The following PTPRB variants were observed in gnomAD, a reference collection of about 807,000 sequenced individuals.
PTPRB encodes receptor-type tyrosine-protein phosphatase beta.
In PTPRB, 97 loss-of-function variants were observed where a neutral mutation model predicts 238.1. The ratio of observed to expected loss-of-function variants is 0.41; its 90% CI spans 0.35 to 0.48. The LOEUF is 0.48. Ranked by LOEUF, PTPRB falls within the 20% of genes least tolerant of loss-of-function variation. PTPRB has a pLI of 0.30. For synonymous variants in PTPRB, 970 were observed against 995.4 expected, an observed-to-expected ratio of 0.97 and a Z score of 0.48; for missense variants, 2,292 against 2,681.9, an observed-to-expected ratio of 0.85 and a Z score of 3.21.
intron 10 of PTPRB, 89 bp downstream of exon 10, chr12:70,580,947 G>A: frequency 7.0e-7 from 1 of 1,420,366 alleles, no homozygotes; most frequent in Non-Finnish European, 9.5e-7. Flanking sequence ...GGATGAGTCT[G>A]ATTTTAGGAT....
chr12:70,593,253 C>T (rs563507473), intron 6 of PTPRB, among the ~76,000 whole-genome samples: 5 of 152,226 alleles, frequency 3.3e-5, no homozygotes, highest in African/African-American at 1.2e-4. Flanking sequence ...TGGCTCATGC[C>T]TGTAATCCCA....
chr12:70,587,495 T>G (rs1882037347), intron 8 of PTPRB, among the ~76,000 whole-genome samples: 1 of 152,218 alleles, frequency 6.6e-6, no homozygotes, highest in Non-Finnish European at 1.5e-5. Flanking sequence ...AGTCATTGAT[T>G]TTTGACTGTA....
At chr12:70,624,280 T>C (rs1444932135) in intron 2 of PTPRB, among the ~76,000 whole-genome samples, 1 of 152,220 alleles carries the variant, frequency 6.6e-6, no homozygotes, top group Non-Finnish European at 1.5e-5. Flanking sequence ...ATTTATCTGA[T>C]ATTCAAATGT....
intron 19 of PTPRB, 144 bp from the exon 20 acceptor site, chr12:70,555,453 C>G (rs1877514282): frequency 1.3e-6 from 1 of 796,178 alleles, no homozygotes; most frequent in East Asian, 2.8e-5. Context: ...ATGCTGTAAT[C>G]AAGAAACTCT....
chr12:70,533,422 C>CAGTT (rs1253234903), intron 31 of PTPRB, among the ~76,000 whole-genome samples: 1 of 152,138 alleles, frequency 6.6e-6, no homozygotes, highest in Non-Finnish European at 1.5e-5. Flanking sequence ...TAGTGCCATT[C>CAGTT]AGTTAGGGCT....
At chr12:70,616,729 A>G (rs1395978145) in intron 3 of PTPRB, among the ~76,000 whole-genome samples, 1 of 152,102 alleles carries the variant, frequency 6.6e-6, no homozygotes, top group Non-Finnish European at 1.5e-5. Flanking sequence ...TCCCCACTGT[A>G]TCAACTTTCA....
chr12:70,587,829 G>A lies in PTPRB; in HGVS notation c.2051-562C>T, dbSNP rs144200780. ...TAAGAATAAACTGTTGGTTGGGTGC[G>A]GTGGCTCACATCTGTAATCCCAGCA... On this transcript the variant is annotated intron_variant, in intron 8 of 33. Coordinates refer to ENST00000334414, the MANE Select transcript of PTPRB (RefSeq NM_001109754.4). Among the ~76,000 whole-genome samples the A allele has an allele frequency of 2.0e-4, 31 of 152,088 alleles. No individual in the cohort carries two copies. In the East Asian group the frequency reaches 5.2e-3, roughly 26 times the overall value.
intron 2 of PTPRB, among the ~76,000 whole-genome samples, chr12:70,623,597 A>T (rs1356130773): frequency 6.6e-6 from 1 of 152,154 alleles, no homozygotes; most frequent in Non-Finnish European, 1.5e-5. Flanking sequence ...GTATGTTTAG[A>T]TCTTCCCATC....
chr12:70,609,719 G>A (rs1377419188), intron 3 of PTPRB: 6 of 1,523,150 alleles, frequency 3.9e-6, no homozygotes, highest in Non-Finnish European at 5.3e-6. Flanking sequence ...TTTTCGGCGG[G>A]GAGGGGGCGC....
intron 3 of PTPRB, among the ~76,000 whole-genome samples, chr12:70,612,236 T>C (rs967955510): frequency 2.0e-5 from 3 of 152,176 alleles, no homozygotes. Context: ...GAGCATACTA[T>C]GAAACAAGAG....
In PTPRB at chr12:70,592,365, A is replaced by G. The variant is rs773881258; in HGVS notation, c.1697T>C (p.Leu566Ser). Residue 566 changes from leucine (L) to serine (S), a missense_variant, in exon 7 of 34, where the codon TTA becomes TCA. Leu to Ser is a moderately radical substitution (Grantham distance 145). Transcript: ENST00000334414. ...AACTTGATAAAGTCGACCGGGGACT[A>G]ACTCTTTAAAGTGAGTTTCAGTAAT... ...PWITETHFKE[L>S]VPGRLYQVTV... is the part of the protein sequence containing the mutation. 1.3e-5 allele frequency: 21 copies of G among 1,613,868 alleles called. No individual in the cohort carries two copies. Among genetic ancestry groups the G allele is most frequent in the Admixed American group, 1.0e-4 (6 of 59,990 alleles).
rs376084284 is a variant in PTPRB, at chr12:70,627,891, G to T, written c.452-5245C>A. On this transcript the variant is annotated intron_variant, in intron 2 of 33. Coordinates refer to ENST00000334414, the MANE Select transcript of PTPRB (RefSeq NM_001109754.4). ...TTTTGTTTTTCCCCACAAGCTCTTC[G>T]TATTCACAAGTACTTCTGCCGGCCA... 2.0e-5 allele frequency among the ~76,000 whole-genome samples: 3 copies of T among 152,190 alleles called. No individual in the cohort carries two copies. In the South Asian group the frequency reaches 6.2e-4, roughly 32 times the overall value.
At chr12:70,537,283 TC>T (rs1874294215) in intron 28 of PTPRB, among the ~76,000 whole-genome samples, 1 of 18,576 alleles carries the variant, frequency 5.4e-5, no homozygotes, top group Admixed American at 8.8e-4. Context: ...CAAGACCATC[TC>T]AAAAAAAAAA....
intron 13 of PTPRB, among the ~76,000 whole-genome samples, chr12:70,570,530 G>C (rs538359119): frequency 6.6e-6 from 1 of 151,864 alleles, no homozygotes; most frequent in Admixed American, 6.6e-5. Context: ...TGTATTTTTT[G>C]TAGAGACAGG....
intron 4 of PTPRB, among the ~76,000 whole-genome samples, chr12:70,601,426 G>A (rs1883478186): frequency 6.6e-6 from 1 of 152,138 alleles, no homozygotes; most frequent in African/African-American, 2.4e-5. Context: ...TCAGGATAAA[G>A]TCTAAGTTTC....
rs1462891709 is a variant in PTPRB at position 70,560,271 on chromosome 12, C to T, written c.4432+400G>A. On this transcript the variant is annotated intron_variant, in intron 17 of 33. Transcript: ENST00000334414. The surrounding 1 kb of genome is among the most constrained non-coding windows in gnomAD (Gnocchi z 4.2). ...AGATTTTGGGGTACAGGGCTGACGT[C>T]CACAGACAATTATGTTCAGTTGCAG... 2.0e-5 allele frequency among the ~76,000 whole-genome samples: 3 copies of T among 152,150 alleles called. No individual in the cohort carries two copies. Among genetic ancestry groups the T allele is most frequent in the African/African-American group, 7.2e-5 (3 of 41,430 alleles).
intron 32 of PTPRB, among the ~76,000 whole-genome samples, chr12:70,524,875 GTGTATATA>G (rs1457201468): frequency 1.0e-4 from 15 of 144,054 alleles, no homozygotes; most frequent in South Asian, 8.8e-4. Flanking sequence ...GTATATATGT[GTGTATATA>G]TGTATATATG....
chr12:70,531,911 T>C, intron 32 of PTPRB, 124 bp downstream of exon 32: 1 of 1,110,692 alleles, frequency 9.0e-7, no homozygotes, highest in South Asian at 1.5e-5. Flanking sequence ...TACATGCAGT[T>C]CTTTTTTTCT....
At chr12:70,568,576 C>T (rs773481659) in intron 14 of PTPRB, among the ~76,000 whole-genome samples, 5 of 152,210 alleles carry the variant, frequency 3.3e-5, no homozygotes, top group East Asian at 1.9e-4. Context: ...GGATTACAGG[C>T]GTGAGCTACC....
Sources: gnomAD v4.1 joint callset for allele counts (sites outside exome capture counted in the v4.1 genomes callset) on GRCh38, gnomAD v4.1.1 for gene constraint, Gnocchi (gnomAD v3.1) non-coding constraint, MANE v1.5 for transcripts, NCBI Gene and HGNC (gene_info 2026-07-23, HGNC 2026-07-21) for gene names.